The following CEP170 variants were observed in gnomAD, a reference collection of about 807,000 sequenced individuals.
The protein encoded by CEP170 is centrosomal protein of 170 kDa.
In CEP170, 21 loss-of-function variants were observed where a neutral mutation model predicts 151.9. The observed-to-expected ratio is 0.14, with a 90% confidence interval of 0.10 to 0.20. CEP170 has a LOEUF of 0.20. Ranked by LOEUF, CEP170 falls within the 10% of genes least tolerant of loss-of-function variation. CEP170 has a pLI of 1.00. For missense variants in CEP170, 964 were observed against 1,892.9 expected (o/e 0.51, Z 9.11); for synonymous variants, 356 against 648.8 (o/e 0.55, Z 6.86).
intron 4 of CEP170, chr1:243,211,577 C>T: frequency 4.2e-6 from 1 of 239,458 alleles, no homozygotes; most frequent in Non-Finnish European, 8.2e-6. Context: ...TTCCCCTGTC[C>T]TCTCCCCAGT....
Position 243,186,070 on chromosome 1 carries a change from A to G in CEP170, c.1275T>C (p.Thr425=), listed in dbSNP as rs765014577. 1.2e-6 allele frequency: 2 copies of G among 1,613,688 alleles called. No homozygotes were observed. The highest frequency in any genetic ancestry group is 4.5e-5 in the East Asian group (2 of 44,880). ...GCCCCCCTCTGTGATGCGCAGAGCT[A>G]GTCTGTAAAGACAAAGAAACCACTT... ...ATEKHQDQAV[T]SSAHHRGGHG... The change falls in exon 10 of 20, where the codon ACT becomes ACC. Residue 425 remains threonine (T), a splice_region_variant and synonymous_variant. Coordinates refer to ENST00000366542, the MANE Select transcript of CEP170 (RefSeq NM_014812.3).
intron 13 of CEP170, among the ~76,000 whole-genome samples, chr1:243,160,284 G>A (rs2057959826): frequency 6.6e-6 from 1 of 152,184 alleles, no homozygotes. Context: ...GCATTGGAAG[G>A]TGTCTGAAAT....
At chr1:243,210,395 A>G (rs987974128) in intron 4 of CEP170, among the ~76,000 whole-genome samples, 3 of 152,094 alleles carry the variant, frequency 2.0e-5, no homozygotes, top group African/African-American at 4.8e-5. Flanking sequence ...CTGGTAGAAA[A>G]TGACACCCAT....
At chr1:243,246,226 C>CTTTTTTT (rs774096892) in intron 1 of CEP170, among the ~76,000 whole-genome samples, 20 of 109,452 alleles carry the variant, frequency 1.8e-4, no homozygotes, top group African/African-American at 5.8e-4. Flanking sequence ...GTGTTGTTTA[C>CTTTTTTT]TTTTTTTTTT....
At chr1:243,244,756 A>G (rs1021208962) in intron 1 of CEP170, among the ~76,000 whole-genome samples, 1 of 151,872 alleles carries the variant, frequency 6.6e-6, no homozygotes, top group African/African-American at 2.4e-5. Flanking sequence ...ACAAAAAGTA[A>G]AAAAAAAGAA....
At chr1:243,212,090 A>T (rs2061860017) in intron 3 of CEP170, 126 bp from the exon 4 acceptor site, 2 of 1,095,754 alleles carry the variant, frequency 1.8e-6, no homozygotes, top group Admixed American at 3.8e-5. Flanking sequence ...CAGCCTGAGT[A>T]TCATAAGATG....
Position 243,126,316 on chromosome 1 carries a change from ATAAAAT to A in CEP170, c.*127_*132del, listed in dbSNP as rs1428447150. The A allele has an allele frequency of 2.6e-5, 24 of 924,380 alleles. No individual in the cohort carries two copies. Among genetic ancestry groups the A allele is most frequent in the Non-Finnish European group, 5.1e-6 (3 of 593,942 alleles). 57.3% of individuals were successfully genotyped at this position (924,380 alleles called of 1,614,324 possible). On this transcript the variant is annotated 3_prime_UTR_variant, in exon 20 of 20. Coordinates refer to ENST00000366542, the MANE Select transcript of CEP170 (RefSeq NM_014812.3). ...TACATTATACGTCAAAAATAAATAA[ATAAAAT>A]TAAGAAGACAGGGATTCCAAGATTG...
chr1:243,217,954 C>A (rs2148958245), intron 3 of CEP170, among the ~76,000 whole-genome samples: 1 of 152,288 alleles, frequency 6.6e-6, no homozygotes, highest in East Asian at 1.9e-4. Context: ...CAAGCTAAAC[C>A]AGCTCCCGAA....
intron 1 of CEP170, among the ~76,000 whole-genome samples, chr1:243,242,843 G>A (rs952235411): frequency 1.1e-4 from 16 of 152,254 alleles, no homozygotes; most frequent in African/African-American, 3.6e-4. Context: ...CAGGATTACA[G>A]GCATGCGCCA....
rs751737308 is a variant in CEP170, at chr1:243,169,764, A to G, written c.1717-10T>C. The G allele has an allele frequency of 5.6e-6, 9 of 1,595,334 alleles. No homozygotes were observed. The South Asian group carries it at 1.0e-4, about 18-fold the overall frequency. ...ATGAAGATGTGCCTTCCTAAAGGAG[A>G]AAAATAAGAAAACAAAATCATGCAG... On this transcript the variant is annotated splice_polypyrimidine_tract_variant and intron_variant, in intron 11 of 19. Transcript: ENST00000366542.
At position 243,190,285 on chromosome 1, in the gene CEP170, T is replaced by C. The variant is rs2060227614; in HGVS notation, c.1108+733A>G. 2.0e-5 allele frequency among the ~76,000 whole-genome samples: 3 copies of C among 152,184 alleles called. No homozygotes were observed. In the South Asian group the frequency reaches 6.2e-4, roughly 32 times the overall value. On this transcript the variant is annotated intron_variant, in intron 8 of 19. Coordinates refer to ENST00000366542, the MANE Select transcript of CEP170 (RefSeq NM_014812.3). ...TAAAAGATAGGGTAACATAAATCTATACTCAATTCTAAAATAAATTTAATT... is the reference window on the plus strand; with the variant it reads ...TAAAAGATAGGGTAACATAAATCTACACTCAATTCTAAAATAAATTTAATT...
chr1:243,213,740 C>T (rs983928299), intron 3 of CEP170, among the ~76,000 whole-genome samples: 4 of 152,126 alleles, frequency 2.6e-5, no homozygotes, highest in Non-Finnish European at 4.4e-5. Flanking sequence ...GACAGGGTCT[C>T]GCTCTGTCAC....
chr1:243,136,760 GC>G (rs1408980915), intron 16 of CEP170, among the ~76,000 whole-genome samples: 1 of 152,088 alleles, frequency 6.6e-6, no homozygotes, highest in Non-Finnish European at 1.5e-5. Flanking sequence ...AGATGCGTGG[GC>G]AAAACCAGGG....
chr1:243,127,719 A>G (rs2053872348), intron 19 of CEP170, among the ~76,000 whole-genome samples: 1 of 152,240 alleles, frequency 6.6e-6, no homozygotes, highest in East Asian at 1.9e-4. Flanking sequence ...GTCAAGACAT[A>G]CATAGGCATT....
At chr1:243,241,995 A>G (rs2064894537) in intron 1 of CEP170, among the ~76,000 whole-genome samples, 1 of 152,002 alleles carries the variant, frequency 6.6e-6, no homozygotes, top group Admixed American at 6.6e-5. Context: ...GGAGGAGACT[A>G]CAAATTGGGC....
chr1:243,163,313 T>G (rs2058208557), intron 13 of CEP170: 1 of 152,246 alleles, frequency 6.6e-6, no homozygotes, highest in Non-Finnish European at 1.5e-5. Flanking sequence ...CATCTTCATG[T>G]CCGTTGTAAC....
intron 1 of CEP170, among the ~76,000 whole-genome samples, chr1:243,243,572 G>A (rs1052513821): frequency 6.6e-6 from 1 of 151,766 alleles, no homozygotes; most frequent in Non-Finnish European, 1.5e-5. Context: ...TGCCCAGGCT[G>A]GAGTCCAGTG....
At chr1:243,225,799 A>G (rs1294036915) in intron 1 of CEP170, among the ~76,000 whole-genome samples, 2 of 152,078 alleles carry the variant, frequency 1.3e-5, no homozygotes, top group East Asian at 1.9e-4. Context: ...TCTTTTGTCT[A>G]TCAGGTGTAA....
intron 1 of CEP170, among the ~76,000 whole-genome samples, chr1:243,227,175 T>C (rs1310178057): frequency 2.0e-5 from 3 of 152,132 alleles, no homozygotes; most frequent in African/African-American, 4.8e-5. Context: ...AAAAGTCTTT[T>C]AAGTACAGGG....
Sources: allele counts gnomAD v4.1 joint callset (sites outside exome capture counted in the v4.1 genomes callset), GRCh38; gene constraint gnomAD v4.1.1; transcripts MANE v1.5; gene names NCBI Gene and HGNC (gene_info 2026-07-23, HGNC 2026-07-21).